Variants in PIEZO2 observed in about 807,000 individuals in gnomAD.
PIEZO2 encodes piezo type mechanosensitive ion channel component 2.
PIEZO2 carries 172 observed loss-of-function variants against 337.3 expected under a neutral mutation model. The ratio of observed to expected loss-of-function variants is 0.51; its 90% confidence interval spans 0.45 to 0.58. PIEZO2 has a LOEUF of 0.58. PIEZO2 is among the 20% of genes least tolerant of loss of function. PIEZO2 has a pLI of 0.00. For missense variants in PIEZO2, 3,028 were observed against 3,391.3 expected (o/e 0.89, Z 2.66); for synonymous variants, 1,251 against 1,228.5 (o/e 1.02, Z -0.38).
At chr18:11,039,243 T>G (rs2037027152) in intron 2 of PIEZO2, among the ~76,000 whole-genome samples, 1 of 152,190 alleles carries the variant, frequency 6.6e-6, no homozygotes, top group Admixed American at 6.5e-5. Flanking sequence ...CAGCACACTC[T>G]TTGCAGAAGA....
rs763297805 is a variant in PIEZO2 at position 10,740,800 on chromosome 18, T to C, written c.4708+231A>G. ...AGAGTCTATAAGCCACGTGTTTGGC[T>C]TTCTACAGCCAGCACAAGAATGTCA... On this transcript the variant is annotated intron_variant, in intron 33 of 55. Coordinates refer to ENST00000674853, the MANE Select transcript of PIEZO2 (RefSeq NM_001378183.1). 40 of 664,568 alleles carry C rather than the reference T, an allele frequency of 6.0e-5. No individual in the cohort carries two copies. In the Middle Eastern group the frequency reaches 1.6e-3, roughly 26 times the overall value. The allele number at this position is 664,568 out of a possible 1,614,324, so 41.2% of individuals were successfully genotyped here.
rs1555691362 is a variant in PIEZO2 at position 11,001,905 on chromosome 18, A to AGAAGGAAGGGAGGAAG, written c.161-22246_161-22245insCTTCCTCCCTTCCTTC. On this transcript the variant is annotated intron_variant, in intron 2 of 55. Transcript: ENST00000674853. The surrounding 1 kb of genome is among the most constrained non-coding windows in gnomAD (Gnocchi z 5.3). ...AAAAGGAGAAAAAGGGAAGGAAGGA[A>AGAAGGAAGGGAGGAAG]GAAGGAAGGAAGGAAGGAAGGAAGG... Among the ~76,000 whole-genome samples, 1 of 139,202 alleles carries AGAAGGAAGGGAGGAAG rather than the reference A, an allele frequency of 7.2e-6. No individual in the cohort carries two copies. Among genetic ancestry groups the AGAAGGAAGGGAGGAAG allele is most frequent in the African/African-American group, 2.8e-5 (1 of 35,888 alleles). The allele number at this position is 139,202 out of a possible 152,430, so 91.3% of individuals were successfully genotyped here. A position where few individuals can be genotyped will look rare whatever the true frequency, so the allele number is the denominator to read the frequency against.
Position 11,109,612 on chromosome 18 carries a change from G to A in PIEZO2, c.64+38913C>T, listed in dbSNP as rs189984417. On this transcript the variant is annotated intron_variant, in intron 1 of 55. Coordinates refer to ENST00000674853, the MANE Select transcript of PIEZO2 (RefSeq NM_001378183.1). This position sits in a 1 kb window ranked among gnomAD's most constrained non-coding sequence, Gnocchi z 5.1. Reference sequence around the variant, plus strand: ...ATGCACCTGTAATCCCAGCTACACCGGAGGCTGAGGCAAGAGAATTGTTTG... The same window carrying A: ...ATGCACCTGTAATCCCAGCTACACCAGAGGCTGAGGCAAGAGAATTGTTTG... Among the ~76,000 whole-genome samples the A allele has an allele frequency of 3.2e-4, 48 of 152,226 alleles. No homozygotes were observed. The highest frequency in any genetic ancestry group is 6.3e-4 in the Non-Finnish European group (43 of 68,018).
rs1308688774 is a variant in PIEZO2, at chr18:10,701,731, T to C, written c.6441+258A>G. On this transcript the variant is annotated intron_variant, in intron 43 of 55. Transcript: ENST00000674853. ...ACACATTTAACCTAGGTTGGAAACA[T>C]GGGGAAACATTCTCCCAGATTTATT... 7 of 356,270 alleles carry C rather than the reference T, an allele frequency of 2.0e-5. No individual in the cohort carries two copies. In the East Asian group the frequency reaches 2.0e-4, roughly 10 times the overall value. 22.1% of individuals were successfully genotyped at this position (356,270 alleles called of 1,614,324 possible).
intron 1 of PIEZO2, among the ~76,000 whole-genome samples, chr18:11,140,773 C>T (rs2040621568): frequency 1.3e-5 from 2 of 152,212 alleles, no homozygotes; most frequent in Non-Finnish European, 2.9e-5. Flanking sequence ...AGCACATTAT[C>T]CACCAAAATA....
chr18:10,859,653 T>A lies in PIEZO2; in HGVS notation c.493-2442A>T, dbSNP rs1358074527. On this transcript the variant is annotated intron_variant, in intron 5 of 55. Transcript: ENST00000674853. This position sits in a 1 kb window ranked among gnomAD's most constrained non-coding sequence, Gnocchi z 4.9. The stretch of plus-strand genomic sequence containing the variant: ...TTCAACCCACGTTTGTCTCTTAAGG[T>A]GAAACACTCCAGCAGAGTGGGCTGG... Among the ~76,000 whole-genome samples, 1 of 152,198 alleles carries A rather than the reference T, an allele frequency of 6.6e-6. No individual in the cohort carries two copies. Among genetic ancestry groups the A allele is most frequent in the Non-Finnish European group, 1.5e-5 (1 of 68,026 alleles).
intron 2 of PIEZO2, among the ~76,000 whole-genome samples, chr18:11,019,339 T>TCTGCCAAGGCCCAGG (rs2036232125): frequency 6.6e-6 from 1 of 152,222 alleles, no homozygotes; most frequent in African/African-American, 2.4e-5. Context: ...CTTTATGGTG[T>TCTGCCAAGGCCCAGG]CTGCCAAGGC....
chr18:10,882,979 C>T (rs1427325198), intron 4 of PIEZO2, among the ~76,000 whole-genome samples: 6 of 151,672 alleles, frequency 4.0e-5, no homozygotes, highest in Non-Finnish European at 7.4e-5. Context: ...GCTGGAACAA[C>T]AGGTGCCTGC....
intron 24 of PIEZO2, among the ~76,000 whole-genome samples, chr18:10,760,329 G>C (rs2038072808): frequency 6.6e-6 from 1 of 152,168 alleles, no homozygotes; most frequent in South Asian, 2.1e-4. Flanking sequence ...TTTTGAGATG[G>C]AATCTTGCCC....
In PIEZO2 at chr18:11,048,388, T is replaced by C. The variant is rs1041778101; in HGVS notation, c.160+17739A>G. On this transcript the variant is annotated intron_variant, in intron 2 of 55. Transcript: ENST00000674853. The surrounding 1 kb of genome is among the most constrained non-coding windows in gnomAD (Gnocchi z 4.5). ...CATTTCAGACACTCAGTAATGCTTATTCTGTGACCAAAGGAAATGAATGCA... is the reference window on the plus strand; with the variant it reads ...CATTTCAGACACTCAGTAATGCTTACTCTGTGACCAAAGGAAATGAATGCA... 6.6e-6 allele frequency among the ~76,000 whole-genome samples: 1 copy of C among 152,232 alleles called. No individual in the cohort carries two copies. The highest frequency in any genetic ancestry group is 1.5e-5 in the Non-Finnish European group (1 of 68,046).
intron 3 of PIEZO2, among the ~76,000 whole-genome samples, chr18:10,956,757 G>A (rs1008797398): frequency 3.3e-5 from 5 of 152,010 alleles, no homozygotes; most frequent in African/African-American, 1.2e-4. Context: ...GATCACCTGA[G>A]GTCAGAAGTT....
chr18:10,900,427 C>T (rs940091481), intron 4 of PIEZO2, among the ~76,000 whole-genome samples: 1 of 152,142 alleles, frequency 6.6e-6, no homozygotes, highest in African/African-American at 2.4e-5. Flanking sequence ...GAGTCACAGG[C>T]ACTTAAGTGT....
chr18:10,964,646 C>G (rs1390651347), intron 3 of PIEZO2, among the ~76,000 whole-genome samples: 1 of 152,176 alleles, frequency 6.6e-6, no homozygotes, highest in Non-Finnish European at 1.5e-5. Flanking sequence ...GGCTATTACT[C>G]AAACTGATGG....
At chr18:10,908,878 C>T (rs2030200543) in intron 4 of PIEZO2, 1 of 147,442 alleles carries the variant, frequency 6.8e-6, no homozygotes, top group Non-Finnish European at 1.5e-5. Context: ...TGCTGCGTGG[C>T]TGACTGTCTG....
chr18:11,019,165 C>A (rs1568300923), intron 2 of PIEZO2, among the ~76,000 whole-genome samples: 2 of 152,216 alleles, frequency 1.3e-5, no homozygotes, highest in Non-Finnish European at 2.9e-5. Flanking sequence ...CTACCTTGCA[C>A]CACAGAAGGC....
At chr18:11,086,468 G>A (rs1476853184) in intron 1 of PIEZO2, among the ~76,000 whole-genome samples, 4 of 150,596 alleles carry the variant, frequency 2.7e-5, no homozygotes, top group African/African-American at 9.8e-5. Context: ...GCAGTGAGCC[G>A]AGATCCCGCC....
At chr18:10,867,747 T>C (rs1332589807) in intron 5 of PIEZO2, among the ~76,000 whole-genome samples, 1 of 152,232 alleles carries the variant, frequency 6.6e-6, no homozygotes, top group Non-Finnish European at 1.5e-5. Context: ...TGAAATGATA[T>C]ATTGTTTTAT....
intron 17 of PIEZO2, among the ~76,000 whole-genome samples, chr18:10,780,995 TA>T (rs1300695144): frequency 6.6e-6 from 1 of 151,396 alleles, no homozygotes; most frequent in Non-Finnish European, 1.5e-5. Context: ...AAATATAATT[TA>T]AAAAATTAAT....
At chr18:10,950,611 C>T (rs796381948) in intron 3 of PIEZO2, among the ~76,000 whole-genome samples, 2 of 152,172 alleles carry the variant, frequency 1.3e-5, no homozygotes, top group Admixed American at 1.3e-4. Context: ...TCTGATAACA[C>T]CCAACTTTGT....
Sources: allele counts gnomAD v4.1 joint callset (sites outside exome capture counted in the v4.1 genomes callset), GRCh38; gene constraint gnomAD v4.1.1; non-coding constraint Gnocchi (gnomAD v3.1); transcripts MANE v1.5; gene names NCBI Gene and HGNC (gene_info 2026-07-23, HGNC 2026-07-21).